ADCY10: variants seen among roughly 807,000 people sequenced by gnomAD.
ADCY10 encodes the protein adenylate cyclase 10.
A neutral mutation model predicts 183.3 loss-of-function variants in ADCY10; 156 were observed. That is an observed-to-expected ratio of 0.85 (90% confidence interval 0.75 to 0.97). The LOEUF (loss-of-function observed/expected upper bound fraction) is 0.97. Among genes scored for constraint, ADCY10 ranks in the 50% least tolerant of loss-of-function variants. The pLI, the probability that ADCY10 is intolerant of heterozygous loss-of-function variation, is 0.00. For synonymous variants in ADCY10, 645 were observed against 670.0 expected, an observed-to-expected ratio of 0.96 and a Z score of 0.58; for missense variants, 1,745 against 1,934.3, an observed-to-expected ratio of 0.90 and a Z score of 1.84.
At chr1:167,848,630 C>CTT in intron 18 of ADCY10, 141 bp from the exon 19 acceptor site, 1 of 974,226 alleles carries the variant, frequency 1.0e-6, no homozygotes, top group Admixed American at 2.4e-5. Flanking sequence ...TTCTGGAAAC[C>CTT]TTTTTTTTGT....
intron 8 of ADCY10, among the ~76,000 whole-genome samples, chr1:167,888,373 GA>G (rs1668367537): frequency 6.6e-6 from 1 of 151,924 alleles, no homozygotes; most frequent in African/African-American, 2.4e-5. Context: ...TGGGTAGTAT[GA>G]ACATTCTTCC....
At position 167,824,836 on chromosome 1, in the gene ADCY10, T is replaced by A; in HGVS notation, c.3770A>T (p.Asp1257Val). 2 of 1,614,226 alleles carry A rather than the reference T, an allele frequency of 1.2e-6. No individual in the cohort carries two copies. Among genetic ancestry groups the A allele is most frequent in the Non-Finnish European group, 1.7e-6 (2 of 1,180,050 alleles). ...AGCCAGGTGGTGGTATAGCGAATAG[T>A]CTAGGTAAGCCTTAATGATCTGAAA... ...NCFQIIKAYLDYSLYHHLAGY... is the reference protein window; with the variant it reads ...NCFQIIKAYLVYSLYHHLAGY... The change falls in exon 27 of 33, where the codon GAC becomes GTC. Residue 1257 changes from aspartate to valine, a missense_variant. By Grantham distance (152) the Asp-to-Val change is radical (BLOSUM62 -3). Coordinates refer to ENST00000367851, the MANE Select transcript of ADCY10 (RefSeq NM_018417.6).
chr1:167,903,453 ACTCGGGAGGCTGAGACATGAGAATTG>A (rs1242776271), intron 3 of ADCY10, among the ~76,000 whole-genome samples: 2 of 151,390 alleles, frequency 1.3e-5, no homozygotes, highest in African/African-American at 4.9e-5. Context: ...AATCCTAGCT[ACTCGGGAGGCTGAGACATGAGAATTG>A]CTTGAACCCA....
rs6427109 is a variant in ADCY10, at chr1:167,825,774, G to T, written c.3751-919C>A. The stretch of plus-strand genomic sequence containing the variant: ...ACTGCACTCCAGCCTGGGTGACTGA[G>T]TGAGACCCTTCTCAAAAACGAACAA... On this transcript the variant is annotated intron_variant, in intron 26 of 32. Transcript: ENST00000367851. Among the ~76,000 whole-genome samples the T allele has an allele frequency of 9.5e-4, 144 of 152,020 alleles. 1 individual carries two copies. Among genetic ancestry groups the T allele is most frequent in the Non-Finnish European group, 1.5e-3 (102 of 67,964 alleles).
chr1:167,829,496 C>CA (rs1663558358), intron 25 of ADCY10, 73 bp from the exon 26 acceptor site: 2 of 1,573,704 alleles, frequency 1.3e-6, no homozygotes, highest in East Asian at 2.2e-5. Context: ...AGCACAGGTA[C>CA]ATGGTGTCCT....
intron 15 of ADCY10, among the ~76,000 whole-genome samples, chr1:167,860,498 T>C (rs936346231): frequency 3.3e-5 from 5 of 152,196 alleles, no homozygotes; most frequent in Non-Finnish European, 7.3e-5. Context: ...TAACAGGCCA[T>C]GAACTAGTAC....
At chr1:167,910,045 C>T (rs1168708416) in intron 1 of ADCY10, among the ~76,000 whole-genome samples, 1 of 152,178 alleles carries the variant, frequency 6.6e-6, no homozygotes, top group Non-Finnish European at 1.5e-5. Flanking sequence ...CAGCTCTAAG[C>T]CCTTAAAAGG....
In ADCY10 at chr1:167,901,826, C is replaced by T. The variant is rs368059151; in HGVS notation, c.293-21G>A. On this transcript the variant is annotated intron_variant, in intron 4 of 32. Transcript: ENST00000367851. ...ATCACCTTCAGAGAGAGACATGCCG[C>T]GGGCTTTTGACCTGCCCTGGGGATC... The T allele has an allele frequency of 3.1e-5, 50 of 1,614,050 alleles. No homozygotes were observed. In the Middle Eastern group the frequency reaches 6.6e-4, roughly 21 times the overall value.
At chr1:167,854,181 T>C (rs1336567856) in intron 18 of ADCY10, among the ~76,000 whole-genome samples, 172 bp downstream of exon 18, 3 of 152,108 alleles carry the variant, frequency 2.0e-5, no homozygotes, top group South Asian at 4.2e-4. Flanking sequence ...TCCCAGGCAA[T>C]GTTAAGTTCG....
chr1:167,809,933 G>T (rs1662099549), intron 32 of ADCY10, 94 bp from the exon 33 acceptor site: 2 of 1,332,644 alleles, frequency 1.5e-6, no homozygotes, highest in Admixed American at 3.5e-5. Context: ...AAACATCTTT[G>T]GTAAAAACCA....
intron 1 of ADCY10, among the ~76,000 whole-genome samples, chr1:167,912,482 G>C: frequency 6.6e-6 from 1 of 152,162 alleles, no homozygotes; most frequent in African/African-American, 2.4e-5. Flanking sequence ...AGGGTGAGAG[G>C]GCTAGCTTTT....
At chr1:167,882,110 G>C (rs187353924) in intron 9 of ADCY10, among the ~76,000 whole-genome samples, 1 of 152,300 alleles carries the variant, frequency 6.6e-6, no homozygotes, top group Admixed American at 6.5e-5. Flanking sequence ...ATACACAAAA[G>C]GAATTGAGAT....
intron 21 of ADCY10, among the ~76,000 whole-genome samples, chr1:167,843,394 ACAGT>A (rs1164290432): frequency 3.3e-5 from 5 of 152,094 alleles, no homozygotes; most frequent in Admixed American, 1.3e-4. Flanking sequence ...CTGACCCCGC[ACAGT>A]CAAATATTCT....
intron 22 of ADCY10, among the ~76,000 whole-genome samples, chr1:167,836,898 G>A (rs532841305): frequency 2.6e-4 from 40 of 152,228 alleles, no homozygotes; most frequent in African/African-American, 4.1e-4. Flanking sequence ...GGTGGCAGGC[G>A]CCTGTAGTCC....
chr1:167,870,389 T>C lies in ADCY10; in HGVS notation c.1484A>G (p.Tyr495Cys). 1 of 1,609,488 alleles carries C rather than the reference T, an allele frequency of 6.2e-7. No individual in the cohort carries two copies. Reference sequence around the variant, plus strand: ...AAATTTCTTCATAGTATACATGAAGTAGTTGATCTCTTTATTACGTCCTGT... The same window carrying C: ...AAATTTCTTCATAGTATACATGAAGCAGTTGATCTCTTTATTACGTCCTGT... ...PLLGRNKEIN[Y>C]FMYTMKKFLI... The change falls in exon 14 of 33, where the codon TAC becomes TGC. Residue 495 changes from tyrosine (Y) to cysteine (C), a missense_variant. Physicochemically the swap from Tyr to Cys is radical, Grantham distance 194. Coordinates refer to ENST00000367851, the MANE Select transcript of ADCY10 (RefSeq NM_018417.6).
In ADCY10 at chr1:167,883,423, T is replaced by C; in HGVS notation, c.1020+14A>G. On this transcript the variant is annotated intron_variant, in intron 9 of 32. Transcript: ENST00000367851. ...AAACTATTGGTAGGTTCCCATCCCA[T>C]AGTTCACACTTACCTTGTCAAACAT... The C allele has an allele frequency of 1.2e-6, 2 of 1,613,992 alleles. No individual in the cohort carries two copies. The highest frequency in any genetic ancestry group is 2.2e-5 in the East Asian group (1 of 44,884).
chr1:167,899,151 G>A (rs1282201789), intron 6 of ADCY10, among the ~76,000 whole-genome samples: 1 of 152,080 alleles, frequency 6.6e-6, no homozygotes, highest in Non-Finnish European at 1.5e-5. Context: ...CTTAAGCAAG[G>A]TCGCTAGCCC....
chr1:167,817,156 G>C (rs556225673), intron 31 of ADCY10, among the ~76,000 whole-genome samples: 1 of 152,302 alleles, frequency 6.6e-6, no homozygotes, highest in African/African-American at 2.4e-5. Flanking sequence ...TTGAGGTCAA[G>C]AGTTCAAGAC....
chr1:167,887,577 G>C (rs1288361634), intron 8 of ADCY10, among the ~76,000 whole-genome samples: 2 of 152,036 alleles, frequency 1.3e-5, no homozygotes, highest in Non-Finnish European at 2.9e-5. Context: ...GATAGCATTA[G>C]GAGATATACC....
Sources: allele counts gnomAD v4.1 joint callset (sites outside exome capture counted in the v4.1 genomes callset), GRCh38; gene constraint gnomAD v4.1.1; transcripts MANE v1.5; gene names NCBI Gene and HGNC (gene_info 2026-07-23, HGNC 2026-07-21).